Variants in KCTD16 observed in about 807,000 individuals in gnomAD.
KCTD16 encodes potassium channel tetramerization domain containing 16.
In KCTD16, 13 loss-of-function variants were observed where a neutral mutation model predicts 33.2. The ratio of observed to expected loss-of-function variants is 0.39; its 90% CI spans 0.25 to 0.62. The LOEUF (loss-of-function observed/expected upper bound fraction) is 0.62. Ranked by LOEUF, KCTD16 falls within the 20% of genes least tolerant of loss-of-function variation. KCTD16 has a pLI of 0.50. For missense variants in KCTD16, 441 were observed against 525.1 expected, an observed-to-expected ratio of 0.84 and a Z score of 1.57; for synonymous variants, 197 against 195.3, an observed-to-expected ratio of 1.01 and a Z score of -0.07.
rs780109122 is a variant in KCTD16, at chr5:144,465,779, C to CTTTTTTTTTTTTTTTTTT, written c.833-7875_833-7874insTTTTTTTTTTTTTTTTTT. On this transcript the variant is annotated intron_variant, in intron 3 of 3. Transcript: ENST00000512467. ...TCTTGAACAATTGCTCCAAATTTAA[C>CTTTTTTTTTTTTTTTTTT]TTTTTTGTTTTTTTTTTTTTTTGCC... 3.8e-5 allele frequency among the ~76,000 whole-genome samples: 5 copies of CTTTTTTTTTTTTTTTTTT among 129,878 alleles called. 2 individuals carry two copies. Among genetic ancestry groups the CTTTTTTTTTTTTTTTTTT allele is most frequent in the African/African-American group, 8.6e-5 (3 of 34,896 alleles). The allele number at this position is 129,878 out of a possible 152,430, so 85.2% of individuals were successfully genotyped here. A position where few individuals can be genotyped will look rare whatever the true frequency, so the allele number is the denominator to read the frequency against.
rs1169440523 is a variant in KCTD16, at chr5:144,274,344, C to A, written c.832+66798C>A. Among the ~76,000 whole-genome samples the A allele has an allele frequency of 4.6e-5, 7 of 151,984 alleles. No homozygotes were observed. The East Asian group carries it at 1.4e-3, about 29-fold the overall frequency. On this transcript the variant is annotated intron_variant, in intron 3 of 3. Coordinates refer to ENST00000512467, the MANE Select transcript of KCTD16 (RefSeq NM_020768.4). Reference sequence around the variant, plus strand: ...GGTAGCTTGGCTAGGTTAAGGGTTACTATAGAGTAGAGCAATGAATAGTGG... The same window carrying A: ...GGTAGCTTGGCTAGGTTAAGGGTTAATATAGAGTAGAGCAATGAATAGTGG...
chr5:144,236,608 A>G (rs1187127683), intron 3 of KCTD16, among the ~76,000 whole-genome samples: 2 of 152,298 alleles, frequency 1.3e-5, no homozygotes, highest in East Asian at 3.9e-4. Context: ...GCCATCTTAG[A>G]TAAACTTGCT....
At position 144,482,002 on chromosome 5, in the gene KCTD16, G is replaced by A. The variant is rs779710358; in HGVS notation, c.*7888G>A. 3 of 151,882 alleles carry A rather than the reference G, an allele frequency of 2.0e-5. No individual in the cohort carries two copies. Among genetic ancestry groups the A allele is most frequent in the Admixed American group, 6.6e-5 (1 of 15,212 alleles). The allele number at this position is 151,882 out of a possible 1,614,324, so 9.4% of individuals were successfully genotyped here. A position where few individuals can be genotyped will look rare whatever the true frequency, so the allele number is the denominator to read the frequency against. Reference sequence around the variant, plus strand: ...TCCTCTCTTTACAGATGAGGTCAGTGAGGCTCAGAAAGATAAAGTAGCACA... The same window carrying A: ...TCCTCTCTTTACAGATGAGGTCAGTAAGGCTCAGAAAGATAAAGTAGCACA... On this transcript the variant is annotated 3_prime_UTR_variant, in exon 4 of 4. Coordinates refer to ENST00000512467, the MANE Select transcript of KCTD16 (RefSeq NM_020768.4).
Position 144,479,365 on chromosome 5 carries a change from C to CAAAAAAAAAAAA in KCTD16, c.*5256_*5267dup, listed in dbSNP as rs368957124. 2.6e-4 allele frequency: 24 copies of CAAAAAAAAAAAA among 92,166 alleles called. No homozygotes were observed. Among genetic ancestry groups the CAAAAAAAAAAAA allele is most frequent in the East Asian group, 4.5e-4 (1 of 2,220 alleles). The allele number at this position is 92,166 out of a possible 1,614,324, so 5.7% of individuals were successfully genotyped here. A position where few individuals can be genotyped will look rare whatever the true frequency, so the allele number is the denominator to read the frequency against. ...CCAAACTGATGTGTAAGAATAAATG[C>CAAAAAAAAAAAA]AAAAAAAAAAAAAAAAGAAAAAGAA... On this transcript the variant is annotated 3_prime_UTR_variant, in exon 4 of 4. Coordinates refer to ENST00000512467, the MANE Select transcript of KCTD16 (RefSeq NM_020768.4).
At chr5:144,439,106 A>G (rs577710176) in intron 3 of KCTD16, 1 of 156,922 alleles carries the variant, frequency 6.4e-6, no homozygotes, top group South Asian at 2.0e-4. Context: ...CATTACTTCC[A>G]GAGTAATTAT....
intron 3 of KCTD16, among the ~76,000 whole-genome samples, chr5:144,214,352 A>G (rs1753495229): frequency 6.6e-6 from 1 of 151,920 alleles, no homozygotes; most frequent in Non-Finnish European, 1.5e-5. Flanking sequence ...TCCCCTTTGG[A>G]TCTATCCTCC....
intron 3 of KCTD16, among the ~76,000 whole-genome samples, chr5:144,344,879 C>A (rs1236177727): frequency 6.6e-6 from 1 of 151,676 alleles, no homozygotes; most frequent in Admixed American, 6.6e-5. Context: ...GACTATAAAT[C>A]ATGCTGCTAT....
chr5:144,205,403 C>G, intron 2 of KCTD16: 1 of 397,882 alleles, frequency 2.5e-6, no homozygotes. Flanking sequence ...CCGAACTGCA[C>G]TGGGAACTGT....
intron 3 of KCTD16, among the ~76,000 whole-genome samples, chr5:144,425,538 A>G (rs990341810): frequency 1.3e-5 from 2 of 151,914 alleles, no homozygotes; most frequent in East Asian, 3.9e-4. Context: ...CTGGACCTCT[A>G]AGGAATCCAC....
intron 3 of KCTD16, among the ~76,000 whole-genome samples, chr5:144,406,306 T>G (rs530719756): frequency 1.3e-5 from 2 of 152,206 alleles, no homozygotes; most frequent in Non-Finnish European, 2.9e-5. Flanking sequence ...GTTAGTTAGT[T>G]CCTTACTTTG....
At chr5:144,322,426 G>A (rs2126885366) in intron 3 of KCTD16, among the ~76,000 whole-genome samples, 1 of 152,138 alleles carries the variant, frequency 6.6e-6, no homozygotes, top group East Asian at 1.9e-4. Context: ...GGAAATATAT[G>A]TACTGAGAAT....
At chr5:144,176,402 T>C (rs1457294665) in intron 2 of KCTD16, among the ~76,000 whole-genome samples, 5 of 144,288 alleles carry the variant, frequency 3.5e-5, no homozygotes, top group South Asian at 2.2e-4. Context: ...TTTTTTTTTT[T>C]TTTTTTTTTT....
Position 144,474,358 on chromosome 5 carries a change from G to A in KCTD16, c.*244G>A, listed in dbSNP as rs1322568460. Reference sequence around the variant, plus strand: ...TTTTAGTTATTTGTTTGTTTACTTCGTCCCATGTGCTAACTATCTTATATA... The same window carrying A: ...TTTTAGTTATTTGTTTGTTTACTTCATCCCATGTGCTAACTATCTTATATA... On this transcript the variant is annotated 3_prime_UTR_variant, in exon 4 of 4. Coordinates refer to ENST00000512467, the MANE Select transcript of KCTD16 (RefSeq NM_020768.4). 3.7e-5 allele frequency: 16 copies of A among 426,814 alleles called. No individual in the cohort carries two copies. The highest frequency in any genetic ancestry group is 9.4e-5 in the East Asian group (2 of 21,318). The allele number at this position is 426,814 out of a possible 1,614,324, so 26.4% of individuals were successfully genotyped here. A position where few individuals can be genotyped will look rare whatever the true frequency, so the allele number is the denominator to read the frequency against.
At chr5:144,202,711 CACA>C (rs72180525) in intron 2 of KCTD16, among the ~76,000 whole-genome samples, 24,602 of 152,156 alleles carry the variant, frequency 0.16, 2,210 homozygotes, top group Admixed American at 0.26. Flanking sequence ...TGTTTTAGCA[CACA>C]ACAATTAACA....
chr5:144,467,730 T>C (rs1754379446), intron 3 of KCTD16, among the ~76,000 whole-genome samples: 1 of 152,108 alleles, frequency 6.6e-6, no homozygotes, highest in Non-Finnish European at 1.5e-5. Context: ...TAATTTTCAT[T>C]TCCTAGCTTG....
intron 3 of KCTD16, among the ~76,000 whole-genome samples, chr5:144,257,665 T>G (rs978778123): frequency 2.6e-5 from 4 of 152,002 alleles, no homozygotes; most frequent in African/African-American, 7.2e-5. Flanking sequence ...ATTTTTATAT[T>G]TTTAGTAGAG....
intron 3 of KCTD16, among the ~76,000 whole-genome samples, chr5:144,277,900 A>AT (rs1755481919): frequency 1.3e-5 from 2 of 152,184 alleles, no homozygotes; most frequent in Non-Finnish European, 2.9e-5. Context: ...AAGTTTTGAG[A>AT]TTTAAAAAAA....
At chr5:144,435,140 A>C (rs928791642) in intron 3 of KCTD16, among the ~76,000 whole-genome samples, 7 of 152,214 alleles carry the variant, frequency 4.6e-5, no homozygotes, top group African/African-American at 1.7e-4. Flanking sequence ...TTCAAGAAAA[A>C]TATAAAACAA....
chr5:144,264,147 T>C (rs543090438), intron 3 of KCTD16, among the ~76,000 whole-genome samples: 1 of 152,358 alleles, frequency 6.6e-6, no homozygotes, highest in East Asian at 1.9e-4. Flanking sequence ...CTTTTGAACA[T>C]ATTCATCTGA....
Sources: allele counts gnomAD v4.1 joint callset (sites outside exome capture counted in the v4.1 genomes callset), GRCh38; gene constraint gnomAD v4.1.1; transcripts MANE v1.5; gene names NCBI Gene and HGNC (gene_info 2026-07-23, HGNC 2026-07-21).